The following SEMA4D variants were observed in gnomAD, a reference collection of about 807,000 sequenced individuals.
SEMA4D encodes the protein semaphorin-4D.
SEMA4D carries 22 observed loss-of-function variants against 74.8 expected under a neutral mutation model. That is an observed-to-expected ratio of 0.29 (90% CI 0.21 to 0.42). SEMA4D has a LOEUF of 0.42. SEMA4D is among the 10% of genes least tolerant of loss of function. SEMA4D has a pLI of 1.00. For missense variants in SEMA4D, 937 were observed against 1,118.4 expected (o/e 0.84, Z 2.31); for synonymous variants, 445 against 463.7 (o/e 0.96, Z 0.52).
intron 2 of SEMA4D, among the ~76,000 whole-genome samples, chr9:89,455,297 G>A (rs1333476097): frequency 2.0e-5 from 3 of 152,224 alleles, no homozygotes; most frequent in Non-Finnish European, 4.4e-5. Flanking sequence ...GGGAGCAAAG[G>A]TGTGGCAGCC....
At chr9:89,428,791 A>AT (rs1848634536) in intron 2 of SEMA4D, among the ~76,000 whole-genome samples, 1 of 152,192 alleles carries the variant, frequency 6.6e-6, no homozygotes, top group Non-Finnish European at 1.5e-5. Context: ...AAAAAACCAG[A>AT]TCCCAGTATG....
intron 1 of SEMA4D, among the ~76,000 whole-genome samples, chr9:89,477,818 A>G (rs918765468): frequency 6.6e-6 from 1 of 152,220 alleles, no homozygotes; most frequent in Non-Finnish European, 1.5e-5. Flanking sequence ...GTTAGTCAGC[A>G]CATCTTACTT....
At chr9:89,461,700 C>CTCTCTCTCTTTTTT (rs71281350) in intron 1 of SEMA4D, among the ~76,000 whole-genome samples, 8 of 103,642 alleles carry the variant, frequency 7.7e-5, no homozygotes, top group African/African-American at 1.4e-4. Context: ...TCTTTTTTCT[C>CTCTCTCTCTTTTTT]TTTTTTTTTT....
chr9:89,360,960 A>G (rs1476269335), exon 19 of SEMA4D: 1 of 152,396 alleles, frequency 6.6e-6, no homozygotes, highest in South Asian at 2.1e-4. Flanking sequence ...GAGAAGAGAC[A>G]GAAAACAGCA....
At chr9:89,386,183 C>T in intron 13 of SEMA4D, 184 bp downstream of exon 13, 1 of 682,766 alleles carries the variant, frequency 1.5e-6, no homozygotes, top group Non-Finnish European at 1.8e-6. Flanking sequence ...TCCTGCCTTC[C>T]CCAATTCAGA....
At chr9:89,439,074 C>T (rs919712601) in intron 2 of SEMA4D, among the ~76,000 whole-genome samples, 1 of 146,598 alleles carries the variant, frequency 6.8e-6, no homozygotes, top group Non-Finnish European at 1.5e-5. Context: ...CTCTGCCTCC[C>T]GGATTCCAGC....
chr9:89,464,370 A>G (rs1004188989), intron 1 of SEMA4D, among the ~76,000 whole-genome samples: 16 of 152,020 alleles, frequency 1.1e-4, no homozygotes, highest in African/African-American at 3.9e-4. Flanking sequence ...GGGGCTGAGG[A>G]CCTCAGGGGC....
intron 2 of SEMA4D, among the ~76,000 whole-genome samples, chr9:89,428,703 C>T (rs1402180727): frequency 6.6e-6 from 1 of 152,240 alleles, no homozygotes; most frequent in Non-Finnish European, 1.5e-5. Context: ...CAATGGCCCC[C>T]GGCCCCACCT....
rs746530326 is a variant in SEMA4D, at chr9:89,387,596, C to T, written c.1120G>A (p.Glu374Lys). The T allele has an allele frequency of 2.4e-5, 38 of 1,613,944 alleles. No individual in the cohort carries two copies. The highest frequency in any genetic ancestry group is 1.7e-4 in the Middle Eastern group (1 of 5,962). ...CTGGTGTAGTTGGCGGCCCGTGCCT[C>T]GCTGTCGATGCACTGCAGGGAGAAA... ...KPRPGACIDS[E>K]ARAANYTSSL... Residue 374 changes from glutamate (E) to lysine (K), a missense_variant, in exon 12 of 16, where the codon GAG becomes AAG. Coordinates refer to ENST00000422704, the MANE Select transcript of SEMA4D (RefSeq NM_001371194.2).
intron 2 of SEMA4D, among the ~76,000 whole-genome samples, chr9:89,438,574 C>T (rs886884707): frequency 6.6e-6 from 1 of 152,214 alleles, no homozygotes; most frequent in Non-Finnish European, 1.5e-5. Flanking sequence ...GTTCCTGAGA[C>T]AAACAACATT....
chr9:89,480,282 G>C, intron 1 of SEMA4D, among the ~76,000 whole-genome samples: 1 of 152,214 alleles, frequency 6.6e-6, no homozygotes, highest in Non-Finnish European at 1.5e-5. Flanking sequence ...GCTGATTGGT[G>C]TATTTACAAT....
At chr9:89,385,142 A>AC in intron 13 of SEMA4D, 4 of 888,816 alleles carry the variant, frequency 4.5e-6, no homozygotes, top group Non-Finnish European at 5.4e-6. Context: ...GTGGGCACTG[A>AC]CCCGTAACCC....
intron 16 of SEMA4D, chr9:89,364,858 C>G (rs1833354914): frequency 6.7e-6 from 1 of 148,528 alleles, no homozygotes. Context: ...GGCAAGAAGT[C>G]TGCGCGGCCA....
At chr9:89,380,941 C>G in intron 15 of SEMA4D, 114 bp downstream of exon 15, 1 of 1,278,034 alleles carries the variant, frequency 7.8e-7, no homozygotes, top group Non-Finnish European at 1.1e-6. Context: ...ACCTCTGTTC[C>G]GAGTGGAGAA....
intron 2 of SEMA4D, among the ~76,000 whole-genome samples, chr9:89,407,767 C>T (rs1208270565): frequency 1.3e-5 from 2 of 152,242 alleles, no homozygotes; most frequent in Non-Finnish European, 2.9e-5. Context: ...GTCCTGGCTA[C>T]ACCTGAACAC....
At chr9:89,453,701 A>C (rs1301000749) in intron 2 of SEMA4D, among the ~76,000 whole-genome samples, 8 of 152,306 alleles carry the variant, frequency 5.3e-5, no homozygotes, top group African/African-American at 1.9e-4. Flanking sequence ...ACTCAGCATC[A>C]CAGGGCCTGG....
At chr9:89,380,979 C>G in intron 15 of SEMA4D, 76 bp downstream of exon 15, 1 of 1,550,598 alleles carries the variant, frequency 6.4e-7, no homozygotes, top group Non-Finnish European at 8.9e-7. Context: ...ACAAATGCCA[C>G]AGAACTGAAG....
intron 2 of SEMA4D, among the ~76,000 whole-genome samples, chr9:89,413,501 T>G (rs539260360): frequency 1.3e-5 from 2 of 152,384 alleles, no homozygotes; most frequent in South Asian, 4.1e-4. Context: ...TCTGTATTTC[T>G]GTATGTGTGC....
rs371733375 is a variant in SEMA4D, at chr9:89,437,626, G to A, written c.-244+18262C>T. Among the ~76,000 whole-genome samples, 181 of 152,338 alleles carry A rather than the reference G, an allele frequency of 1.2e-3. 1 individual carries two copies. The highest frequency in any genetic ancestry group is 4.1e-3 in the African/African-American group (170 of 41,580). On this transcript the variant is annotated intron_variant, in intron 2 of 15. Coordinates refer to ENST00000422704, the MANE Select transcript of SEMA4D (RefSeq NM_001371194.2). ...CGGGCACCTGCCCATGTGTGCCAGC[G>A]GCAAGGGGCACAGGTTCCCGGTGCT...
Sources: allele counts gnomAD v4.1 joint callset (sites outside exome capture counted in the v4.1 genomes callset), GRCh38; gene constraint gnomAD v4.1.1; transcripts MANE v1.5; gene names NCBI Gene and HGNC (gene_info 2026-07-23, HGNC 2026-07-21).